The following ITGB3 variants were observed in gnomAD, a reference collection of about 807,000 sequenced individuals.
ITGB3 encodes integrin beta-3.
Under a neutral mutation model 85.8 loss-of-function variants are expected in ITGB3, and 48 were observed. The observed-to-expected ratio is 0.56, with a 90% confidence interval of 0.44 to 0.71. ITGB3 has a LOEUF of 0.71. Among genes scored for constraint, ITGB3 ranks in the 30% least tolerant of loss-of-function variants. ITGB3 has a pLI of 0.00. For synonymous variants in ITGB3, 363 were observed against 395.6 expected (o/e 0.92, Z 0.98); for missense variants, 861 against 1,019.1 (o/e 0.84, Z 2.11).
At chr17:47,307,830 G>A (rs1007118487) in intron 14 of ITGB3, among the ~76,000 whole-genome samples, 193 bp downstream of exon 14, 1 of 152,134 alleles carries the variant, frequency 6.6e-6, no homozygotes, top group Admixed American at 6.6e-5. Flanking sequence ...AATAGTGGCA[G>A]GATGTCATTC....
chr17:47,291,459 C>T (rs1003357593), intron 9 of ITGB3: 3 of 455,032 alleles, frequency 6.6e-6, no homozygotes, highest in Non-Finnish European at 1.2e-5. Context: ...TAAAACGACA[C>T]AAGAAAGTAA....
At chr17:47,289,630 C>T (rs1372190470) in intron 6 of ITGB3, 51 bp from the exon 7 acceptor site, 1 of 1,292,978 alleles carries the variant, frequency 7.7e-7, no homozygotes, top group African/African-American at 1.5e-5. Flanking sequence ...GCTTTAGACC[C>T]TAGAGATGTA....
rs377164992 is a variant in ITGB3 at position 47,310,243 on chromosome 17, C to T, written c.*39C>T. 3 of 1,577,942 alleles carry T rather than the reference C, an allele frequency of 1.9e-6. No individual in the cohort carries two copies. The highest frequency in any genetic ancestry group is 2.2e-5 in the East Asian group (1 of 44,722). ...TCCTCAGATCATTATCAGCCTGTGC[C>T]ACGATTGCAGGAGTCCCTGCCATCA... On this transcript the variant is annotated 3_prime_UTR_variant, in exon 15 of 15. Transcript: ENST00000559488.
chr17:47,290,182 T>C lies in ITGB3; in HGVS notation c.1036-3T>C, dbSNP rs369079426. The C allele has an allele frequency of 4.3e-6, 7 of 1,612,866 alleles. No individual in the cohort carries two copies. The African/African-American group carries it at 6.7e-5, about 15-fold the overall frequency. ...CTCTGGACATCTTTGTTTTCCTTTC[T>C]AGAACTATAGTGAGCTCATCCCAGG... On this transcript the variant is annotated splice_region_variant and splice_polypyrimidine_tract_variant and intron_variant, in intron 7 of 14. Transcript: ENST00000559488.
In ITGB3 at chr17:47,253,948, A is replaced by T; in HGVS notation, c.79+8A>T. The T allele has an allele frequency of 7.1e-7, 1 of 1,411,644 alleles. No homozygotes were observed. The highest frequency in any genetic ancestry group is 9.3e-7 in the Non-Finnish European group (1 of 1,075,146). The allele number at this position is 1,411,644 out of a possible 1,614,324, so 87.4% of individuals were successfully genotyped here. ...CGGGCGTTGGCGTAGGAGGTGAGTG[A>T]GGCTCCGGCTCGGCAGCGTCGCAGC... On this transcript the variant is annotated splice_region_variant and intron_variant, in intron 1 of 14. Coordinates refer to ENST00000559488, the MANE Select transcript of ITGB3 (RefSeq NM_000212.3).
intron 1 of ITGB3, among the ~76,000 whole-genome samples, chr17:47,264,297 G>A (rs1427981480): frequency 6.6e-6 from 1 of 152,124 alleles, no homozygotes; most frequent in African/African-American, 2.4e-5. Flanking sequence ...TATCTTGAAG[G>A]ACTGGCTCTT....
chr17:47,292,054 G>T (rs1191047589), intron 9 of ITGB3, 85 bp from the exon 10 acceptor site: 6 of 1,409,598 alleles, frequency 4.3e-6, no homozygotes, highest in African/African-American at 1.4e-5. Context: ...CCTTGGCAGG[G>T]CAGGGAACAA....
At chr17:47,269,344 C>T (rs746317709) in intron 1 of ITGB3, among the ~76,000 whole-genome samples, 6 of 152,182 alleles carry the variant, frequency 3.9e-5, no homozygotes, top group Admixed American at 2.6e-4. Flanking sequence ...TCTATCACAT[C>T]GTCAGGCTGC....
At chr17:47,296,791 C>T (rs1357296564) in intron 10 of ITGB3, among the ~76,000 whole-genome samples, 3 of 152,070 alleles carry the variant, frequency 2.0e-5, no homozygotes, top group Admixed American at 6.5e-5. Flanking sequence ...TGAAAAGTAC[C>T]AAGGTTGAGA....
In ITGB3 at chr17:47,299,279, G is replaced by A. The variant is rs763922685; in HGVS notation, c.1691-29G>A. On this transcript the variant is annotated intron_variant, in intron 10 of 14. Transcript: ENST00000559488. This position sits in a 1 kb window ranked among gnomAD's most constrained non-coding sequence, Gnocchi z 5.1. Reference sequence around the variant, plus strand: ...ATGGGAGTGGAGCTCTCGCCAGCGGGTCCACCTTCCTGGGCTGTGTGTTTT... The same window carrying A: ...ATGGGAGTGGAGCTCTCGCCAGCGGATCCACCTTCCTGGGCTGTGTGTTTT... 6.2e-7 allele frequency: 1 copy of A among 1,607,908 alleles called. No individual in the cohort carries two copies. Among genetic ancestry groups the A allele is most frequent in the South Asian group, 1.1e-5 (1 of 90,990 alleles).
At chr17:47,270,748 A>C (rs142886532) in intron 1 of ITGB3, among the ~76,000 whole-genome samples, 46 of 152,290 alleles carry the variant, frequency 3.0e-4, no homozygotes, top group African/African-American at 1.1e-3. Context: ...CCACTTGTAG[A>C]ATTTTAAAGT....
chr17:47,268,857 G>C (rs1480365942), intron 1 of ITGB3, among the ~76,000 whole-genome samples: 1 of 152,178 alleles, frequency 6.6e-6, no homozygotes, highest in African/African-American at 2.4e-5. Flanking sequence ...TATTTCCCTT[G>C]TGCACTCCCC....
At chr17:47,306,734 G>A (rs1403294328) in intron 13 of ITGB3, among the ~76,000 whole-genome samples, 2 of 152,120 alleles carry the variant, frequency 1.3e-5, no homozygotes, top group African/African-American at 2.4e-5. Flanking sequence ...AGGCTGGAGT[G>A]TAATGGTGTG....
intron 1 of ITGB3, among the ~76,000 whole-genome samples, chr17:47,265,957 G>A (rs142022495): frequency 3.2e-4 from 48 of 152,288 alleles, no homozygotes; most frequent in African/African-American, 1.1e-3. Context: ...CCACCTCCCT[G>A]TCTCCTTCTC....
At chr17:47,284,047 A>G (rs1205166516) in intron 3 of ITGB3, among the ~76,000 whole-genome samples, 3 of 152,184 alleles carry the variant, frequency 2.0e-5, no homozygotes, top group Non-Finnish European at 4.4e-5. Context: ...TGACTTTCCA[A>G]CTAAGTCAAG....
At chr17:47,266,829 G>T (rs2065027444) in intron 1 of ITGB3, among the ~76,000 whole-genome samples, 1 of 152,064 alleles carries the variant, frequency 6.6e-6, no homozygotes, top group Non-Finnish European at 1.5e-5. Flanking sequence ...CAATCCTCCT[G>T]CCTTGGCCTC....
At chr17:47,270,026 G>A (rs1348547537) in intron 1 of ITGB3, among the ~76,000 whole-genome samples, 1 of 152,160 alleles carries the variant, frequency 6.6e-6, no homozygotes, top group Non-Finnish European at 1.5e-5. Context: ...CTGAGCAAAG[G>A]GGGAAAAGCC....
Position 47,313,440 on chromosome 17 carries a change from G to A in ITGB3, c.*3236G>A, listed in dbSNP as rs1462483672. Among the ~76,000 whole-genome samples the A allele has an allele frequency of 2.2e-5, 3 of 138,376 alleles. No individual in the cohort carries two copies. The East Asian group carries it at 6.8e-4, about 31-fold the overall frequency. 90.8% of individuals were successfully genotyped at this position (138,376 alleles called of 152,430 possible). The stretch of plus-strand genomic sequence containing the variant: ...CTGCTCACTGCAAGCTTCGCCTCCC[G>A]GGTTCACGCCATTCTCCTGCCTCAG... On this transcript the variant is annotated 3_prime_UTR_variant, in exon 15 of 15. Transcript: ENST00000559488.
chr17:47,292,211 G>A lies in ITGB3; in HGVS notation c.1333G>A (p.Val445Met), dbSNP rs377628203. ...GGAGAAGTCCTTTACCATAAAGCCC[G>A]TGGGCTTCAAGGACAGCCTGATCGT... ...EKEKSFTIKP[V>M]GFKDSLIVQV... Residue 445 changes from valine to methionine, a missense_variant, in exon 10 of 15, where the codon GTG (valine) becomes ATG (methionine). Transcript: ENST00000559488. 4.5e-5 allele frequency: 72 copies of A among 1,614,038 alleles called. No individual in the cohort carries two copies. In the East Asian group the frequency reaches 6.2e-4, roughly 14 times the overall value.
Sources: gnomAD v4.1 joint callset for allele counts (sites outside exome capture counted in the v4.1 genomes callset) on GRCh38, gnomAD v4.1.1 for gene constraint, Gnocchi (gnomAD v3.1) non-coding constraint, MANE v1.5 for transcripts, NCBI Gene and HGNC (gene_info 2026-07-23, HGNC 2026-07-21) for gene names.